Variants in DYTN observed in about 807,000 individuals in gnomAD.
The protein encoded by DYTN is dystrotelin.
DYTN carries 75 observed loss-of-function variants against 69.6 expected under a neutral mutation model. That is an observed-to-expected ratio of 1.08 (90% confidence interval 0.89 to 1.31). DYTN has a LOEUF of 1.31. DYTN is among the 50% of genes most tolerant of loss of function. DYTN has a pLI of 0.00. For missense variants in DYTN, 726 were observed against 688.4 expected, an observed-to-expected ratio of 1.05 and a Z score of -0.61; for synonymous variants, 252 against 249.1, an observed-to-expected ratio of 1.01 and a Z score of -0.11.
At chr2:206,652,140 C>T (rs1007547966) in intron 11 of DYTN, among the ~76,000 whole-genome samples, 1 of 152,204 alleles carries the variant, frequency 6.6e-6, no homozygotes, top group African/African-American at 2.4e-5. Context: ...CACTTTCCCA[C>T]GGCTCCTTGC....
intron 11 of DYTN, among the ~76,000 whole-genome samples, chr2:206,658,123 T>A (rs748198604): frequency 9.9e-5 from 15 of 152,078 alleles, no homozygotes; most frequent in Non-Finnish European, 1.8e-4. Flanking sequence ...CTTGATCTAG[T>A]CTGCTGTTGA....
intron 9 of DYTN, among the ~76,000 whole-genome samples, chr2:206,682,768 T>C (rs1699764247): frequency 2.0e-5 from 3 of 152,110 alleles, no homozygotes. Context: ...TTTTAATGTG[T>C]CCCAAACTAG....
intron 3 of DYTN, among the ~76,000 whole-genome samples, chr2:206,706,363 G>A (rs564157439): frequency 5.9e-5 from 9 of 152,128 alleles, no homozygotes; most frequent in African/African-American, 1.2e-4. Flanking sequence ...ACAATTTATC[G>A]AAGGCAGGGG....
chr2:206,703,384 C>T (rs887328954), intron 5 of DYTN, among the ~76,000 whole-genome samples: 2 of 152,116 alleles, frequency 1.3e-5, no homozygotes, highest in Non-Finnish European at 2.9e-5. Context: ...TGGAAGTGAG[C>T]CTGCAACTTA....
rs986007364 is a variant in DYTN, at chr2:206,718,134, G to A, written c.19+127C>T. 5.6e-5 allele frequency: 53 copies of A among 942,190 alleles called. 1 individual carries two copies. In the South Asian group the frequency reaches 1.0e-3, roughly 18 times the overall value. The allele number at this position is 942,190 out of a possible 1,614,324, so 58.4% of individuals were successfully genotyped here. Reference sequence around the variant, plus strand: ...AGAAAGCCACTTTAATCAAATAACAGTTTCTTTTTCAGCCAGAAATTTGCC... The same window carrying A: ...AGAAAGCCACTTTAATCAAATAACAATTTCTTTTTCAGCCAGAAATTTGCC... On this transcript the variant is annotated intron_variant, in intron 1 of 11. Transcript: ENST00000452335.
intron 9 of DYTN, among the ~76,000 whole-genome samples, chr2:206,681,636 T>C (rs1203565802): frequency 6.6e-6 from 1 of 152,162 alleles, no homozygotes; most frequent in Non-Finnish European, 1.5e-5. Context: ...GAGATGATCA[T>C]GTGGTTTTTG....
rs114675847 is a variant in DYTN, at chr2:206,704,856, G to C, written c.470C>G (p.Thr157Arg). 3.8e-5 allele frequency: 62 copies of C among 1,613,374 alleles called. No homozygotes were observed. Among genetic ancestry groups the C allele is most frequent in the Non-Finnish European group, 4.9e-5 (58 of 1,179,692 alleles). ...TTAGGAATTTACCTGCTGTAGATCT[G>C]TTAGTAGTTTTCTCAAAACCCTTCG... Reference protein sequence around the residue: ...MTRRVLRKLLTDLQQIPTFVG... With the variant: ...MTRRVLRKLLRDLQQIPTFVG... Residue 157 changes from threonine (T) to arginine (R), a missense_variant, in exon 5 of 12, where the codon ACA becomes AGA. Thr to Arg is a moderately conservative substitution (Grantham distance 71, BLOSUM62 -1). Coordinates refer to ENST00000452335, the MANE Select transcript of DYTN (RefSeq NM_001093730.1).
intron 9 of DYTN, among the ~76,000 whole-genome samples, chr2:206,674,359 G>T (rs13429846): frequency 6.6e-6 from 1 of 151,980 alleles, no homozygotes; most frequent in African/African-American, 2.4e-5. Flanking sequence ...TGATAAAGTA[G>T]ATAATTCCTT....
At chr2:206,669,394 A>G (rs1421405866) in intron 9 of DYTN, among the ~76,000 whole-genome samples, 1 of 152,160 alleles carries the variant, frequency 6.6e-6, no homozygotes, top group Non-Finnish European at 1.5e-5. Context: ...TCACACACAC[A>G]TTTGAGAATT....
At chr2:206,714,363 C>A (rs764898141) in intron 1 of DYTN, among the ~76,000 whole-genome samples, 1 of 152,078 alleles carries the variant, frequency 6.6e-6, no homozygotes, top group African/African-American at 2.4e-5. Context: ...CCACCACGCC[C>A]GGCTAATTTT....
chr2:206,699,772 GGGTGAGTGA>G lies in DYTN; in HGVS notation c.665_673del (p.Val222_Pro225delinsAla). 2 of 1,613,870 alleles carry G rather than the reference GGGTGAGTGA, an allele frequency of 1.2e-6. No homozygotes were observed. ...AGTCCTGCAGAGAGTGCACCGAGCAGGGTGAGTGACCCTTTCAGCAGCTGATAACCGGTG... is the reference window on the plus strand; with the variant it reads ...AGTCCTGCAGAGAGTGCACCGAGCAGCCCTTTCAGCAGCTGATAACCGGTG... On this transcript the variant is annotated inframe_deletion, in exon 7 of 12. Coordinates refer to ENST00000452335, the MANE Select transcript of DYTN (RefSeq NM_001093730.1).
intron 11 of DYTN, among the ~76,000 whole-genome samples, chr2:206,655,884 G>C (rs1454970265): frequency 1.3e-5 from 2 of 152,144 alleles, no homozygotes; most frequent in African/African-American, 4.8e-5. Context: ...AATTTGTTAA[G>C]ACTTGTTTTG....
At chr2:206,717,520 T>C (rs1336406223) in intron 1 of DYTN, among the ~76,000 whole-genome samples, 1 of 152,192 alleles carries the variant, frequency 6.6e-6, no homozygotes. Flanking sequence ...CACACTGCCT[T>C]AGAAAATTGA....
At chr2:206,654,925 A>T (rs1699431257) in intron 11 of DYTN, among the ~76,000 whole-genome samples, 1 of 152,120 alleles carries the variant, frequency 6.6e-6, no homozygotes, top group African/African-American at 2.4e-5. Context: ...GCAAATAGAG[A>T]TCTTTTTACT....
rs906634672 is a variant in DYTN, at chr2:206,710,471, A to C, written c.94+53T>G. On this transcript the variant is annotated intron_variant, in intron 2 of 11. Coordinates refer to ENST00000452335, the MANE Select transcript of DYTN (RefSeq NM_001093730.1). Reference sequence around the variant, plus strand: ...TGTTTGTTTTCTCTATGAATTTTACATCGCACATCAAGCTCAGATTATTTC... The same window carrying C: ...TGTTTGTTTTCTCTATGAATTTTACCTCGCACATCAAGCTCAGATTATTTC... 3.7e-5 allele frequency: 57 copies of C among 1,522,476 alleles called. 1 individual carries two copies. Among genetic ancestry groups the C allele is most frequent in the Non-Finnish European group, 7.2e-6 (8 of 1,114,168 alleles). 94.3% of individuals were successfully genotyped at this position (1,522,476 alleles called of 1,614,324 possible). A position where few individuals can be genotyped will look rare whatever the true frequency, so the allele number is the denominator to read the frequency against.
chr2:206,694,426 C>A (rs2105897754), intron 8 of DYTN, among the ~76,000 whole-genome samples: 1 of 152,192 alleles, frequency 6.6e-6, no homozygotes, highest in South Asian at 2.1e-4. Context: ...TCATTTTTGC[C>A]ATATCAGAGC....
At chr2:206,659,164 CTTTTTTTTTTT>C (rs758156864) in intron 11 of DYTN, among the ~76,000 whole-genome samples, 1 of 54,278 alleles carries the variant, frequency 1.8e-5, no homozygotes, top group Non-Finnish European at 3.2e-5. Flanking sequence ...CTCACAGTCT[CTTTTTTTTTTT>C]TTTTTTTTTT....
intron 1 of DYTN, among the ~76,000 whole-genome samples, chr2:206,711,440 C>T (rs775264046): frequency 2.2e-4 from 34 of 152,074 alleles, no homozygotes; most frequent in South Asian, 4.1e-4. Flanking sequence ...TTTTGATCTT[C>T]AGTTTCTTCT....
chr2:206,693,351 A>T (rs368249758), intron 8 of DYTN, 28 bp from the exon 9 acceptor site: 3 of 1,605,886 alleles, frequency 1.9e-6, no homozygotes, highest in Non-Finnish European at 2.5e-6. Context: ...ATTTTTAAAA[A>T]GCGTCAGATC....
Sources: gnomAD v4.1 joint callset for allele counts (sites outside exome capture counted in the v4.1 genomes callset) on GRCh38, gnomAD v4.1.1 for gene constraint, MANE v1.5 for transcripts, NCBI Gene and HGNC (gene_info 2026-07-23, HGNC 2026-07-21) for gene names.